CCDC33: variants seen among roughly 807,000 people sequenced by gnomAD.
The protein encoded by CCDC33 is coiled-coil domain-containing protein 33.
CCDC33 carries 94 observed loss-of-function variants against 91.9 expected under a neutral mutation model. The observed-to-expected ratio is 1.02, with a 90% CI of 0.87 to 1.21. The LOEUF (loss-of-function observed/expected upper bound fraction) is 1.21. Among genes scored for constraint, CCDC33 ranks in the 50% most tolerant of loss-of-function variants. The pLI is 0.00. For synonymous variants in CCDC33, 396 were observed against 374.5 expected (o/e 1.06, Z -0.66); for missense variants, 940 against 935.5 (o/e 1.00, Z -0.06).
chr15:74,240,133 CAGG>C (rs1441409177), intron 1 of CCDC33, among the ~76,000 whole-genome samples: 1 of 152,274 alleles, frequency 6.6e-6, no homozygotes, highest in East Asian at 1.9e-4. Context: ...CAAGCCTCAC[CAGG>C]AGGCGCCAGC....
chr15:74,266,853 T>C, intron 4 of CCDC33, 66 bp downstream of exon 4: 1 of 1,210,536 alleles, frequency 8.3e-7, no homozygotes, highest in Non-Finnish European at 1.2e-6. Context: ...TCCCCAGCTA[T>C]TCCCTCGGAG....
intron 2 of CCDC33, among the ~76,000 whole-genome samples, chr15:74,247,360 A>ATG (rs1367458179): frequency 2.3e-4 from 12 of 51,170 alleles, no homozygotes; most frequent in African/African-American, 4.1e-4. Flanking sequence ...AAAATGTCAT[A>ATG]TATATATATA....
At chr15:74,306,416 A>C (rs4887131) in intron 11 of CCDC33, among the ~76,000 whole-genome samples, 73,762 of 152,170 alleles carry the variant, frequency 0.48, 20,749 homozygotes, top group Non-Finnish European at 0.63. Flanking sequence ...CCAACCAAGC[A>C]TCAGTGGCGG....
At position 74,306,107 on chromosome 15, in the gene CCDC33, C is replaced by T. The variant is rs888961645; in HGVS notation, c.1290+10159C>T. 3.3e-5 allele frequency among the ~76,000 whole-genome samples: 5 copies of T among 152,096 alleles called. No homozygotes were observed. In the East Asian group the frequency reaches 5.8e-4, roughly 18 times the overall value. On this transcript the variant is annotated intron_variant, in intron 11 of 18. Coordinates refer to ENST00000398814, the MANE Select transcript of CCDC33 (RefSeq NM_025055.5). ...GGAAGGCAGCACAACTCACCCAGGCCTCTCCCTCTGACCCCCTCTCCAGAA... is the reference window on the plus strand; with the variant it reads ...GGAAGGCAGCACAACTCACCCAGGCTTCTCCCTCTGACCCCCTCTCCAGAA...
intron 11 of CCDC33, chr15:74,311,470 C>T (rs2059992601): frequency 6.6e-6 from 1 of 152,262 alleles, no homozygotes; most frequent in South Asian, 2.1e-4. Context: ...ATCTCAACCC[C>T]TCCAGCTGAA....
chr15:74,260,490 G>A (rs113888009), intron 2 of CCDC33, among the ~76,000 whole-genome samples: 3,190 of 152,276 alleles, frequency 0.021, 109 homozygotes, highest in African/African-American at 0.073. Flanking sequence ...CACCCAAGCT[G>A]TTTTGTATCA....
At chr15:74,275,104 A>G (rs1271391461) in intron 7 of CCDC33, among the ~76,000 whole-genome samples, 1 of 151,960 alleles carries the variant, frequency 6.6e-6, no homozygotes, top group African/African-American at 2.4e-5. Flanking sequence ...TCTACACTTG[A>G]GGGGGTGGGA....
At chr15:74,236,806 A>C in intron 1 of CCDC33, 66 bp downstream of exon 1, 1 of 1,527,900 alleles carries the variant, frequency 6.5e-7, no homozygotes, top group Non-Finnish European at 9.0e-7. Flanking sequence ...CCTTCCTTCA[A>C]AGTTTTGTTT....
chr15:74,255,414 TG>T (rs1006328182), intron 2 of CCDC33, among the ~76,000 whole-genome samples: 3 of 152,236 alleles, frequency 2.0e-5, no homozygotes, highest in Non-Finnish European at 4.4e-5. Flanking sequence ...CAGGAGGCCC[TG>T]GGGTTTTATC....
intron 2 of CCDC33, among the ~76,000 whole-genome samples, chr15:74,211,175 A>G (rs1320766156): frequency 1.2e-4 from 17 of 142,358 alleles, no homozygotes; most frequent in Non-Finnish European, 1.6e-4. Flanking sequence ...ACACACACAC[A>G]CACACACCTC....
chr15:74,237,228 T>C (rs946501527), intron 1 of CCDC33, among the ~76,000 whole-genome samples: 17 of 152,260 alleles, frequency 1.1e-4, no homozygotes, highest in Admixed American at 2.6e-4. Context: ...TGTGTTTTGT[T>C]GATCACCGTA....
At chr15:74,289,132 C>T (rs1171149300) in intron 10 of CCDC33, among the ~76,000 whole-genome samples, 2 of 152,168 alleles carry the variant, frequency 1.3e-5, no homozygotes, top group Non-Finnish European at 2.9e-5. Context: ...GACAGCTGCT[C>T]CACCAGCTTC....
At chr15:74,320,958 A>G (rs921011745) in intron 11 of CCDC33, among the ~76,000 whole-genome samples, 1 of 152,168 alleles carries the variant, frequency 6.6e-6, no homozygotes, top group Non-Finnish European at 1.5e-5. Context: ...GGGCAGTGGC[A>G]AAGAACTGAG....
At chr15:74,263,302 G>T (rs1307934043) in intron 3 of CCDC33, among the ~76,000 whole-genome samples, 3 of 152,224 alleles carry the variant, frequency 2.0e-5, no homozygotes, top group Non-Finnish European at 4.4e-5. Flanking sequence ...ATCTGGCACT[G>T]CCAGCACAGA....
At chr15:74,322,409 A>G (rs2060225396) in intron 11 of CCDC33, among the ~76,000 whole-genome samples, 1 of 152,098 alleles carries the variant, frequency 6.6e-6, no homozygotes, top group Admixed American at 6.5e-5. Context: ...AGCAGGGAAG[A>G]ATTGGGGTTA....
intron 2 of CCDC33, among the ~76,000 whole-genome samples, chr15:74,222,050 G>A (rs553164866): frequency 6.6e-6 from 1 of 152,302 alleles, no homozygotes; most frequent in South Asian, 2.1e-4. Flanking sequence ...CGGCAAAAAG[G>A]CCATCAGATG....
intron 7 of CCDC33, among the ~76,000 whole-genome samples, chr15:74,276,016 C>T (rs1014282754): frequency 6.6e-6 from 1 of 152,216 alleles, no homozygotes; most frequent in Non-Finnish European, 1.5e-5. Context: ...TGGAAACCAA[C>T]CTTACCCAGC....
At chr15:74,250,765 G>C (rs974277531) in intron 2 of CCDC33, among the ~76,000 whole-genome samples, 1 of 152,178 alleles carries the variant, frequency 6.6e-6, no homozygotes, top group Admixed American at 6.5e-5. Context: ...AATAATCGTC[G>C]AATGAATCTG....
chr15:74,209,589 A>G, intron 2 of CCDC33: 1 of 677,862 alleles, frequency 1.5e-6, no homozygotes, highest in South Asian at 2.0e-5. Flanking sequence ...TTTCTCTTCT[A>G]TTTCTCACTT....
Sources: gnomAD v4.1 joint callset for allele counts (sites outside exome capture counted in the v4.1 genomes callset) on GRCh38, gnomAD v4.1.1 for gene constraint, MANE v1.5 for transcripts, NCBI Gene and HGNC (gene_info 2026-07-23, HGNC 2026-07-21) for gene names.